The following WBP1L variants were observed in gnomAD, a reference collection of about 807,000 sequenced individuals.
The protein encoded by WBP1L is WW domain binding protein 1-like.
Under a neutral mutation model 33.7 loss-of-function variants are expected in WBP1L, and 17 were observed. The observed-to-expected ratio is 0.50, with a 90% confidence interval of 0.34 to 0.76. The LOEUF is 0.76. Among genes scored for constraint, WBP1L ranks in the 30% least tolerant of loss-of-function variants. The probability of loss-of-function intolerance (pLI) is 0.01; values close to 1 mark genes in which losing one functional copy is unlikely to be tolerated. For synonymous variants in WBP1L, 173 were observed against 190.8 expected (o/e 0.91, Z 0.77); for missense variants, 389 against 469.4 (o/e 0.83, Z 1.58).
chr10:102,813,439 G>A lies in WBP1L; in HGVS notation c.*108G>A, dbSNP rs1843880162. On this transcript the variant is annotated 3_prime_UTR_variant, in exon 4 of 4. Coordinates refer to ENST00000448841, the MANE Select transcript of WBP1L (RefSeq NM_001083913.2). ...AAGACTTTCAGAGTACAGCCACTTG[G>A]TTCCTTTTTGTTTGTTTTCCTTCTC... The A allele has an allele frequency of 1.4e-6, 2 of 1,404,224 alleles. No homozygotes were observed. Among genetic ancestry groups the A allele is most frequent in the Admixed American group, 2.7e-5 (1 of 36,692 alleles). The allele number at this position is 1,404,224 out of a possible 1,614,324, so 87.0% of individuals were successfully genotyped here.
At chr10:102,807,170 A>G (rs1307842857) in intron 2 of WBP1L, among the ~76,000 whole-genome samples, 1 of 152,238 alleles carries the variant, frequency 6.6e-6, no homozygotes. Flanking sequence ...AGAACAAACA[A>G]TATTATCTAT....
At chr10:102,776,292 C>T (rs972864624) in intron 1 of WBP1L, 2 of 1,611,536 alleles carry the variant, frequency 1.2e-6, no homozygotes, top group East Asian at 2.2e-5. Context: ...GAACCAGGAC[C>T]ACCGCACACA....
At chr10:102,805,782 C>T (rs577616528) in intron 2 of WBP1L, among the ~76,000 whole-genome samples, 2 of 151,744 alleles carry the variant, frequency 1.3e-5, no homozygotes, top group South Asian at 4.2e-4. Flanking sequence ...CCCGTAGTCC[C>T]AGCTACTCAG....
At chr10:102,780,341 C>T (rs899954585) in intron 1 of WBP1L, among the ~76,000 whole-genome samples, 4 of 152,120 alleles carry the variant, frequency 2.6e-5, no homozygotes, top group Non-Finnish European at 4.4e-5. Context: ...GGCATGCTAT[C>T]CCTTTATTAT....
intron 1 of WBP1L, among the ~76,000 whole-genome samples, chr10:102,767,605 C>T (rs1391246340): frequency 6.6e-6 from 1 of 152,048 alleles, no homozygotes; most frequent in Non-Finnish European, 1.5e-5. Context: ...TCTTTCTGGC[C>T]CACTTTGGAG....
chr10:102,774,647 G>A (rs1201057397), intron 1 of WBP1L, among the ~76,000 whole-genome samples: 2 of 152,148 alleles, frequency 1.3e-5, no homozygotes, highest in South Asian at 2.1e-4. Flanking sequence ...ATTGTCCTAG[G>A]TTGGGGGTTA....
At position 102,743,989 on chromosome 10, in the gene WBP1L, G is replaced by A. The variant is rs775434681; in HGVS notation, c.-65G>A. On this transcript the variant is annotated 5_prime_UTR_variant, in exon 1 of 4. Transcript: ENST00000448841. ...AGGGAAGAAGGAAGAAGAGGGTAGA[G>A]GAGGAGAGGGAGGAGGAGGAGGGAG... 20 of 1,180,144 alleles carry A rather than the reference G, an allele frequency of 1.7e-5. No individual in the cohort carries two copies. Among genetic ancestry groups the A allele is most frequent in the Non-Finnish European group, 2.2e-5 (18 of 816,790 alleles). The allele number at this position is 1,180,144 out of a possible 1,614,324, so 73.1% of individuals were successfully genotyped here.
At chr10:102,767,457 G>A (rs943688843) in intron 1 of WBP1L, among the ~76,000 whole-genome samples, 2 of 152,090 alleles carry the variant, frequency 1.3e-5, no homozygotes, top group Admixed American at 1.3e-4. Context: ...AGGATTTTGA[G>A]GCTGCAGTGT....
intron 1 of WBP1L, among the ~76,000 whole-genome samples, chr10:102,773,504 C>A (rs1843218094): frequency 6.8e-6 from 1 of 147,866 alleles, no homozygotes; most frequent in African/African-American, 2.5e-5. Flanking sequence ...CAATTTTGAT[C>A]ATTTAGGTTG....
At chr10:102,754,416 G>A (rs1842950917) in intron 1 of WBP1L, among the ~76,000 whole-genome samples, 1 of 151,450 alleles carries the variant, frequency 6.6e-6, no homozygotes, top group Non-Finnish European at 1.5e-5. Flanking sequence ...CCTTTTTTTT[G>A]GAGATGAAGT....
chr10:102,748,657 G>T (rs1842892728), intron 1 of WBP1L, among the ~76,000 whole-genome samples: 1 of 152,134 alleles, frequency 6.6e-6, no homozygotes, highest in Non-Finnish European at 1.5e-5. Flanking sequence ...ATTATTGCTA[G>T]GCCCTGGGAA....
chr10:102,803,582 C>G (rs531944261), intron 2 of WBP1L, among the ~76,000 whole-genome samples: 4 of 148,786 alleles, frequency 2.7e-5, no homozygotes, highest in African/African-American at 9.9e-5. Context: ...ATTTCTGTCT[C>G]TGGTGTGTCT....
At chr10:102,796,953 A>G (rs1039605871) in intron 1 of WBP1L, among the ~76,000 whole-genome samples, 1 of 152,110 alleles carries the variant, frequency 6.6e-6, no homozygotes, top group African/African-American at 2.4e-5. Flanking sequence ...AGTGCTGTGG[A>G]CAGAATTTGG....
chr10:102,811,382 C>T (rs761536892), intron 3 of WBP1L, among the ~76,000 whole-genome samples: 9 of 152,152 alleles, frequency 5.9e-5, no homozygotes, highest in South Asian at 2.1e-4. Context: ...GAGCACTTCC[C>T]GGACTTCCCT....
intron 2 of WBP1L, among the ~76,000 whole-genome samples, chr10:102,805,471 T>G (rs1843718538): frequency 6.6e-6 from 1 of 151,926 alleles, no homozygotes; most frequent in Non-Finnish European, 1.5e-5. Context: ...GGGATCTCGC[T>G]GTGTTACCCA....
At chr10:102,780,078 G>A (rs937275722) in intron 1 of WBP1L, among the ~76,000 whole-genome samples, 1 of 152,196 alleles carries the variant, frequency 6.6e-6, no homozygotes, top group Admixed American at 6.5e-5. Flanking sequence ...TACCAAGAAG[G>A]AGGAAGACCT....
chr10:102,779,080 T>A (rs1342066706), intron 1 of WBP1L, among the ~76,000 whole-genome samples: 1 of 151,978 alleles, frequency 6.6e-6, no homozygotes, highest in African/African-American at 2.4e-5. Flanking sequence ...TGCGGCTCAA[T>A]GTCTGAGAGT....
At chr10:102,764,337 T>C (rs1460762961) in intron 1 of WBP1L, among the ~76,000 whole-genome samples, 1 of 152,188 alleles carries the variant, frequency 6.6e-6, no homozygotes, top group South Asian at 2.1e-4. Context: ...TGATGGGGCA[T>C]GGATGCTTTC....
intron 1 of WBP1L, among the ~76,000 whole-genome samples, chr10:102,757,887 C>CCCTTT (rs1491483676): frequency 3.9e-5 from 1 of 25,366 alleles, no homozygotes; most frequent in African/African-American, 1.7e-4. Context: ...CCCCCCCCCC[C>CCCTTT]TTTTTTTTTT....
Sources: allele counts gnomAD v4.1 joint callset (sites outside exome capture counted in the v4.1 genomes callset), GRCh38; gene constraint gnomAD v4.1.1; transcripts MANE v1.5; gene names NCBI Gene and HGNC (gene_info 2026-07-23, HGNC 2026-07-21).